VTI1A: variants seen among roughly 807,000 people sequenced by gnomAD.
VTI1A encodes the protein vesicle transport through interaction with t-SNAREs homolog 1A.
A neutral mutation model predicts 34.9 loss-of-function variants in VTI1A; 22 were observed. That is an observed-to-expected ratio of 0.63 (90% CI 0.45 to 0.90). The LOEUF is 0.90. VTI1A is among the 40% of genes least tolerant of loss of function. The pLI is 0.00. For synonymous variants in VTI1A, 87 were observed against 97.3 expected, an observed-to-expected ratio of 0.89 and a Z score of 0.62; for missense variants, 268 against 275.6, an observed-to-expected ratio of 0.97 and a Z score of 0.20.
At chr10:112,470,531 G>C (rs963736873) in intron 3 of VTI1A, among the ~76,000 whole-genome samples, 3 of 152,212 alleles carry the variant, frequency 2.0e-5, no homozygotes, top group Non-Finnish European at 2.9e-5. Flanking sequence ...AGCCTGGCAG[G>C]CAGCAGCCCC....
intron 7 of VTI1A, among the ~76,000 whole-genome samples, chr10:112,705,119 G>T (rs186621717): frequency 6.7e-6 from 1 of 149,360 alleles, no homozygotes; most frequent in Non-Finnish European, 1.5e-5. Context: ...GTCTGGGCTC[G>T]TCTGAACTCC....
intron 5 of VTI1A, among the ~76,000 whole-genome samples, chr10:112,569,841 T>C (rs1267792757): frequency 2.0e-5 from 3 of 152,212 alleles, no homozygotes; most frequent in Non-Finnish European, 4.4e-5. Context: ...TTCAGGTACT[T>C]GAGAAGCATA....
chr10:112,785,197 G>T (rs1852248088), intron 7 of VTI1A, among the ~76,000 whole-genome samples: 1 of 152,198 alleles, frequency 6.6e-6, no homozygotes. Context: ...AGGAAGTGGG[G>T]GCAGAGGTCC....
At chr10:112,791,176 GA>G (rs1379337845) in intron 7 of VTI1A, among the ~76,000 whole-genome samples, 1 of 152,166 alleles carries the variant, frequency 6.6e-6, no homozygotes, top group Non-Finnish European at 1.5e-5. Context: ...AACTGTTGAA[GA>G]AAAATGCCCT....
chr10:112,669,556 A>G (rs1307096430), intron 7 of VTI1A, among the ~76,000 whole-genome samples: 7 of 152,224 alleles, frequency 4.6e-5, no homozygotes, highest in Non-Finnish European at 4.4e-5. Context: ...ATTGATGGAA[A>G]ATATGCTAAA....
At chr10:112,682,700 T>A (rs1848258209) in intron 7 of VTI1A, among the ~76,000 whole-genome samples, 1 of 152,226 alleles carries the variant, frequency 6.6e-6, no homozygotes, top group African/African-American at 2.4e-5. Context: ...GGATGAACAT[T>A]AGCTGCTGTT....
intron 7 of VTI1A, among the ~76,000 whole-genome samples, chr10:112,760,606 C>A (rs1851428495): frequency 6.6e-6 from 1 of 152,036 alleles, no homozygotes; most frequent in African/African-American, 2.4e-5. Flanking sequence ...ATAAGAAAAA[C>A]CAGTCCAGGC....
chr10:112,550,083 T>A (rs1171219797), intron 5 of VTI1A, among the ~76,000 whole-genome samples: 1 of 152,176 alleles, frequency 6.6e-6, no homozygotes, highest in African/African-American at 2.4e-5. Context: ...TAAAAAGTGT[T>A]ATACTCATTT....
At chr10:112,822,034 C>T (rs1464987365), downstream of VTI1A, among the ~76,000 whole-genome samples, 5 of 152,318 alleles carry the variant, frequency 3.3e-5, no homozygotes, top group East Asian at 9.7e-4. Context: ...TAGACAGCTT[C>T]AGTCCTACCA....
chr10:112,833,585 A>G, the VTI1A span, among the ~76,000 whole-genome samples: 3 of 152,176 alleles, frequency 2.0e-5, 1 homozygote, highest in South Asian at 6.2e-4. Context: ...TGATCTCTAC[A>G]GTGAATCTTA....
At chr10:112,510,852 TA>T (rs1182740645) in intron 3 of VTI1A, among the ~76,000 whole-genome samples, 5 of 152,182 alleles carry the variant, frequency 3.3e-5, no homozygotes, top group African/African-American at 1.2e-4. Flanking sequence ...AACTGTAAAA[TA>T]AAGTCTCATA....
At chr10:112,492,308 TAAC>T (rs566695919) in intron 3 of VTI1A, among the ~76,000 whole-genome samples, 233 of 152,164 alleles carry the variant, frequency 1.5e-3, no homozygotes, top group Non-Finnish European at 2.9e-3. Flanking sequence ...TTCAGAAAAA[TAAC>T]AACAAGAAAC....
intron 7 of VTI1A, among the ~76,000 whole-genome samples, chr10:112,811,573 A>T (rs1354304539): frequency 6.7e-6 from 1 of 150,370 alleles, no homozygotes; most frequent in East Asian, 2.0e-4. Context: ...AGTCCCAGCT[A>T]CTCGGGAGGC....
At chr10:112,648,953 G>T (rs1381866217) in intron 5 of VTI1A, among the ~76,000 whole-genome samples, 1 of 152,058 alleles carries the variant, frequency 6.6e-6, no homozygotes, top group Non-Finnish European at 1.5e-5. Context: ...TACCTGCTGT[G>T]TATTAACAAA....
chr10:112,640,844 T>C (rs751797380), intron 5 of VTI1A, among the ~76,000 whole-genome samples: 1 of 152,230 alleles, frequency 6.6e-6, no homozygotes, highest in Non-Finnish European at 1.5e-5. Flanking sequence ...GAATGCAAAA[T>C]ACAGGGCTCA....
chr10:112,644,898 A>G (rs989557114), intron 5 of VTI1A, among the ~76,000 whole-genome samples: 12 of 152,216 alleles, frequency 7.9e-5, no homozygotes, highest in African/African-American at 2.7e-4. Flanking sequence ...AGTTTCAATC[A>G]TAGTTAGACA....
At chr10:112,524,125 C>T (rs1036540571) in intron 3 of VTI1A, among the ~76,000 whole-genome samples, 1 of 151,884 alleles carries the variant, frequency 6.6e-6, no homozygotes, top group Non-Finnish European at 1.5e-5. Flanking sequence ...AAAGGATTTT[C>T]CCCCTTTTTT....
intron 3 of VTI1A, among the ~76,000 whole-genome samples, chr10:112,505,490 T>G (rs1417419905): frequency 2.6e-5 from 4 of 152,240 alleles, no homozygotes; most frequent in African/African-American, 9.6e-5. Context: ...CTAATCTAAT[T>G]ATGTTTGCTA....
chr10:112,537,094 T>C (rs2134250449), intron 4 of VTI1A, among the ~76,000 whole-genome samples: 1 of 151,892 alleles, frequency 6.6e-6, no homozygotes, highest in Non-Finnish European at 1.5e-5. Flanking sequence ...GCACCTCCTT[T>C]TTTATTATTA....
Sources: allele counts gnomAD v4.1 joint callset (sites outside exome capture counted in the v4.1 genomes callset), GRCh38; gene constraint gnomAD v4.1.1; transcripts MANE v1.5; gene names NCBI Gene and HGNC (gene_info 2026-07-23, HGNC 2026-07-21).